Variants in CSGALNACT1 observed in about 807,000 individuals in gnomAD.
CSGALNACT1 encodes beta4GalNAcT-1.
In CSGALNACT1, 52 loss-of-function variants were observed where a neutral mutation model predicts 51.0. The observed-to-expected ratio is 1.02, with a 90% CI of 0.82 to 1.29. The LOEUF (loss-of-function observed/expected upper bound fraction) is 1.29, where lower values mean the gene tolerates loss of function less well. CSGALNACT1 is among the 50% of genes most tolerant of loss of function. The pLI is 0.00. For missense variants in CSGALNACT1, 935 were observed against 679.2 expected, an observed-to-expected ratio of 1.38 and a Z score of -4.19; for synonymous variants, 341 against 254.4, an observed-to-expected ratio of 1.34 and a Z score of -3.24.
chr8:19,560,106 G>T lies in CSGALNACT1; in HGVS notation c.-297+31054C>A, dbSNP rs115293475. 6.3e-3 allele frequency among the ~76,000 whole-genome samples: 955 copies of T among 152,274 alleles called. 18 individuals carry two copies. The highest frequency in any genetic ancestry group is 0.022 in the African/African-American group (909 of 41,530). On this transcript the variant is annotated intron_variant, in intron 3 of 9. Transcript: ENST00000454498. Reference sequence around the variant, plus strand: ...TAAACATTTTTGGTATGTTGCATAGGTAGTAAGTAGAATGTAACCTGCACG... The same window carrying T: ...TAAACATTTTTGGTATGTTGCATAGTTAGTAAGTAGAATGTAACCTGCACG...
Position 19,519,007 on chromosome 8 carries a change from C to T in CSGALNACT1, c.-296-12877G>A, listed in dbSNP as rs143112607. On this transcript the variant is annotated intron_variant, in intron 3 of 9. Transcript: ENST00000454498. ...ATTATGAGCAGGTAGAAGGGGGGAACTGACGATGAGAAACAATATTTACCC... is the reference window on the plus strand; with the variant it reads ...ATTATGAGCAGGTAGAAGGGGGGAATTGACGATGAGAAACAATATTTACCC... 8.9e-3 allele frequency among the ~76,000 whole-genome samples: 1,362 copies of T among 152,326 alleles called. 28 individuals carry two copies. The highest frequency in any genetic ancestry group is 0.031 in the African/African-American group (1,295 of 41,570).
At chr8:19,706,548 G>A (rs112435156) in intron 1 of CSGALNACT1, among the ~76,000 whole-genome samples, 40 of 152,246 alleles carry the variant, frequency 2.6e-4, no homozygotes, top group African/African-American at 9.1e-4. Flanking sequence ...CACCCAGAAG[G>A]ACATCTCTTT....
intron 4 of CSGALNACT1, among the ~76,000 whole-genome samples, chr8:19,469,758 C>G (rs866912306): frequency 1.3e-5 from 2 of 152,176 alleles, no homozygotes; most frequent in Admixed American, 6.5e-5. Context: ...CAGACACTCT[C>G]TGTTACCTTT....
At chr8:19,684,240 A>G (rs746329581), upstream of CSGALNACT1, among the ~76,000 whole-genome samples, 2 of 152,202 alleles carry the variant, frequency 1.3e-5, no homozygotes, top group Non-Finnish European at 2.9e-5. Context: ...ATGCAAGAGA[A>G]CAGAAAATCC....
chr8:19,461,533 CGG>C (rs2065370653), intron 4 of CSGALNACT1, among the ~76,000 whole-genome samples: 46 of 145,440 alleles, frequency 3.2e-4, no homozygotes, highest in Non-Finnish European at 4.3e-4. Context: ...ATCCGCACAG[CGG>C]CCACATTCAC....
At chr8:19,526,522 G>A (rs2081743087) in intron 3 of CSGALNACT1, among the ~76,000 whole-genome samples, 1 of 152,196 alleles carries the variant, frequency 6.6e-6, no homozygotes, top group Admixed American at 6.5e-5. Flanking sequence ...GGCGGAGGTT[G>A]CAGTGAGCCA....
chr8:19,598,260 C>T (rs1000392164), intron 2 of CSGALNACT1, among the ~76,000 whole-genome samples: 1 of 152,284 alleles, frequency 6.6e-6, no homozygotes. Context: ...CATGCATCAC[C>T]GGATACCCAT....
chr8:19,577,741 T>C (rs1056459572), intron 3 of CSGALNACT1, among the ~76,000 whole-genome samples: 10 of 152,102 alleles, frequency 6.6e-5, no homozygotes, highest in African/African-American at 2.2e-4. Flanking sequence ...GACTTGCTGC[T>C]TTCCAGCCGT....
At chr8:19,504,831 C>A (rs559261117) in intron 4 of CSGALNACT1, among the ~76,000 whole-genome samples, 4 of 152,198 alleles carry the variant, frequency 2.6e-5, no homozygotes, top group Non-Finnish European at 4.4e-5. Flanking sequence ...ATAATATGTG[C>A]GTGTTATTAT....
At chr8:19,749,357 A>T (rs1257059065) in intron 1 of CSGALNACT1, among the ~76,000 whole-genome samples, 1 of 99,982 alleles carries the variant, frequency 1.0e-5, no homozygotes, top group Non-Finnish European at 2.1e-5. Flanking sequence ...TTTTGGCTTT[A>T]AAAAAAAAAG....
intron 2 of CSGALNACT1, among the ~76,000 whole-genome samples, chr8:19,598,361 G>C (rs2049435627): frequency 6.6e-6 from 1 of 152,086 alleles, no homozygotes; most frequent in African/African-American, 2.4e-5. Context: ...AGCAGTGAAA[G>C]GTGACACTGA....
intron 4 of CSGALNACT1, among the ~76,000 whole-genome samples, chr8:19,473,569 T>G (rs912106729): frequency 1.4e-4 from 22 of 152,156 alleles, no homozygotes; most frequent in African/African-American, 5.3e-4. Context: ...CCACCTTAAA[T>G]AAGATATTTA....
At chr8:19,661,911 T>TTCTC (rs1462270135) in intron 1 of CSGALNACT1, among the ~76,000 whole-genome samples, 3 of 152,148 alleles carry the variant, frequency 2.0e-5, no homozygotes, top group Non-Finnish European at 4.4e-5. Context: ...TGACCAAGAC[T>TTCTC]TCTCCTTCAT....
chr8:19,594,105 T>C (rs556936043), intron 2 of CSGALNACT1, among the ~76,000 whole-genome samples: 1 of 152,188 alleles, frequency 6.6e-6, no homozygotes, highest in African/African-American at 2.4e-5. Context: ...ACGTCAGCAG[T>C]TTGGATAAAA....
At chr8:19,507,118 AG>A (rs2077485672) in intron 3 of CSGALNACT1, among the ~76,000 whole-genome samples, 1 of 152,202 alleles carries the variant, frequency 6.6e-6, no homozygotes, top group African/African-American at 2.4e-5. Flanking sequence ...CACATCCAGA[AG>A]GGATCAGGGG....
chr8:19,572,653 A>AT (rs1224966280), intron 3 of CSGALNACT1, among the ~76,000 whole-genome samples: 1 of 152,080 alleles, frequency 6.6e-6, no homozygotes, highest in Non-Finnish European at 1.5e-5. Flanking sequence ...TAAAATTACT[A>AT]TTTTTTCCTT....
chr8:19,502,079 C>T (rs1325020631), intron 4 of CSGALNACT1, among the ~76,000 whole-genome samples: 9 of 152,228 alleles, frequency 5.9e-5, no homozygotes, highest in Admixed American at 5.2e-4. Flanking sequence ...CCTCTGCAAG[C>T]TTCGCAGAAC....
At chr8:19,672,261 A>G (rs1490348616) in intron 1 of CSGALNACT1, among the ~76,000 whole-genome samples, 3 of 152,230 alleles carry the variant, frequency 2.0e-5, no homozygotes, top group Non-Finnish European at 2.9e-5. Context: ...TACTCTATGT[A>G]TCAGAGGAGA....
At chr8:19,570,794 G>C (rs1432806640) in intron 3 of CSGALNACT1, among the ~76,000 whole-genome samples, 2 of 152,068 alleles carry the variant, frequency 1.3e-5, no homozygotes, top group African/African-American at 2.4e-5. Flanking sequence ...CAGCTACTTG[G>C]GAGGCTGAAG....
Sources: allele counts gnomAD v4.1 joint callset (sites outside exome capture counted in the v4.1 genomes callset), GRCh38; gene constraint gnomAD v4.1.1; transcripts MANE v1.5; gene names NCBI Gene and HGNC (gene_info 2026-07-23, HGNC 2026-07-21).